Variants in PRKAR2B observed in about 807,000 individuals in gnomAD.
PRKAR2B encodes protein kinase cAMP-dependent type II regulatory subunit beta.
Under a neutral mutation model 49.9 loss-of-function variants are expected in PRKAR2B, and 14 were observed. That is an observed-to-expected ratio of 0.28 (90% CI 0.19 to 0.44). PRKAR2B has a LOEUF of 0.44. PRKAR2B is among the 20% of genes least tolerant of loss of function. The pLI is 1.00. For missense variants in PRKAR2B, 393 were observed against 537.9 expected (o/e 0.73, Z 2.67); for synonymous variants, 196 against 197.7 (o/e 0.99, Z 0.07).
rs1793664976 is a variant in PRKAR2B, at chr7:107,045,155, C to G, written c.248C>G (p.Ser83Cys). The G allele has an allele frequency of 1.3e-6, 2 of 1,497,682 alleles. No homozygotes were observed. The highest frequency in any genetic ancestry group is 1.8e-6 in the Non-Finnish European group (2 of 1,124,132). 92.8% of individuals were successfully genotyped at this position (1,497,682 alleles called of 1,614,324 possible). ...AACTTCGCCGAGGAGCCCATGCAGT[C>G]CGACTCCGAGGACGGGGAGGAGGAG... ...GVNFAEEPMQ[S>C]DSEDGEEEEA... Residue 83 changes from serine (S) to cysteine (C), a missense_variant, in exon 1 of 11, where the codon TCC (serine) becomes TGC (cysteine). Ser to Cys is a moderately radical substitution (Grantham distance 112). Transcript: ENST00000265717.
At chr7:107,149,195 G>A (rs1055666914) in intron 6 of PRKAR2B, among the ~76,000 whole-genome samples, 2 of 152,106 alleles carry the variant, frequency 1.3e-5, no homozygotes, top group Non-Finnish European at 2.9e-5. Context: ...GCAGAGCCAG[G>A]CTTGGAAATA....
chr7:107,061,001 C>G (rs1486284796), intron 1 of PRKAR2B, among the ~76,000 whole-genome samples: 1 of 151,854 alleles, frequency 6.6e-6, no homozygotes, highest in African/African-American at 2.4e-5. Context: ...ATTTTTTCCC[C>G]CACTGATTTT....
chr7:107,099,816 A>G lies in PRKAR2B; in HGVS notation c.344-22136A>G, dbSNP rs553230435. On this transcript the variant is annotated intron_variant, in intron 2 of 10. Transcript: ENST00000265717. ...TGCCTGGCTAATTTTTTGTATTTTTAGTAGAGACGGGGTTTCACCATGTTA... is the reference window on the plus strand; with the variant it reads ...TGCCTGGCTAATTTTTTGTATTTTTGGTAGAGACGGGGTTTCACCATGTTA... 3.0e-3 allele frequency among the ~76,000 whole-genome samples: 458 copies of G among 151,886 alleles called. 2 individuals carry two copies. Among genetic ancestry groups the G allele is most frequent in the African/African-American group, 0.01 (432 of 41,438 alleles).
intron 1 of PRKAR2B, among the ~76,000 whole-genome samples, chr7:107,064,947 A>G (rs1028248351): frequency 3.9e-5 from 6 of 152,214 alleles, no homozygotes; most frequent in Non-Finnish European, 7.3e-5. Context: ...GACCTTTTAA[A>G]AAAGTTAATT....
intron 1 of PRKAR2B, among the ~76,000 whole-genome samples, chr7:107,060,318 A>G (rs1378701547): frequency 6.6e-6 from 1 of 152,164 alleles, no homozygotes; most frequent in Non-Finnish European, 1.5e-5. Context: ...TATCTGCTTT[A>G]TAAAGGTGTT....
chr7:107,050,362 T>TG (rs1554360690), intron 1 of PRKAR2B, among the ~76,000 whole-genome samples: 5 of 135,672 alleles, frequency 3.7e-5, no homozygotes, highest in South Asian at 2.6e-4. Flanking sequence ...TTTTTTTTTT[T>TG]GTGGATGCAC....
At chr7:107,073,836 G>A (rs1285623553) in intron 2 of PRKAR2B, among the ~76,000 whole-genome samples, 1 of 151,978 alleles carries the variant, frequency 6.6e-6, no homozygotes, top group South Asian at 2.1e-4. Flanking sequence ...CGTGGTGGGC[G>A]GATCACTAGA....
chr7:107,070,766 G>T (rs975152147), intron 2 of PRKAR2B, among the ~76,000 whole-genome samples: 1 of 152,048 alleles, frequency 6.6e-6, no homozygotes, highest in African/African-American at 2.4e-5. Flanking sequence ...TTCATAAGAG[G>T]GTTTTTAATA....
At chr7:107,097,836 C>G (rs997086012) in intron 2 of PRKAR2B, among the ~76,000 whole-genome samples, 5 of 152,148 alleles carry the variant, frequency 3.3e-5, no homozygotes, top group Admixed American at 1.3e-4. Flanking sequence ...TGAATATTGG[C>G]CCCCATTCTC....
intron 4 of PRKAR2B, chr7:107,129,163 C>G (rs1795552550): frequency 6.6e-6 from 1 of 152,152 alleles, no homozygotes; most frequent in Non-Finnish European, 1.5e-5. Flanking sequence ...TATAAAGATT[C>G]ATGTACTGCA....
chr7:107,117,248 G>A (rs777737191), intron 2 of PRKAR2B, among the ~76,000 whole-genome samples: 1 of 151,650 alleles, frequency 6.6e-6, no homozygotes, highest in Non-Finnish European at 1.5e-5. Context: ...TTCCTTTGTA[G>A]GAGGGCGTTT....
At chr7:107,148,959 A>G (rs1256181678) in intron 6 of PRKAR2B, among the ~76,000 whole-genome samples, 2 of 152,254 alleles carry the variant, frequency 1.3e-5, no homozygotes, top group African/African-American at 2.4e-5. Flanking sequence ...TCTGAGAGAT[A>G]TAACTGATTA....
Position 107,126,420 on chromosome 7 carries a change from C to CAAAAAAAAAAA in PRKAR2B, c.397-1779_397-1769dup, listed in dbSNP as rs35682952. Among the ~76,000 whole-genome samples the CAAAAAAAAAAA allele has an allele frequency of 1.2e-3, 46 of 38,400 alleles. 2 individuals carry two copies. Among genetic ancestry groups the CAAAAAAAAAAA allele is most frequent in the African/African-American group, 4.2e-3 (40 of 9,542 alleles). The allele number at this position is 38,400 out of a possible 152,430, so 25.2% of individuals were successfully genotyped here. On this transcript the variant is annotated intron_variant, in intron 3 of 10. Coordinates refer to ENST00000265717, the MANE Select transcript of PRKAR2B (RefSeq NM_002736.3). ...TGGGCAACAGAGTGAGAATCTGTCTCAAAAAAAAAAAAAAAAAAAAAAAGT... is the reference window on the plus strand; with the variant it reads ...TGGGCAACAGAGTGAGAATCTGTCTCAAAAAAAAAAAAAAAAAAAAAAAAAAAAAAAAAAGT...
At position 107,044,891 on chromosome 7, in the gene PRKAR2B, G is replaced by A. The variant is rs1449403074; in HGVS notation, c.-17G>A. Reference sequence around the variant, plus strand: ...GGGCGAGGGCGGCGCCCAGGCGCCTGCCGCCCCGGAGGCAGGATGAGCATC... The same window carrying A: ...GGGCGAGGGCGGCGCCCAGGCGCCTACCGCCCCGGAGGCAGGATGAGCATC... On this transcript the variant is annotated 5_prime_UTR_variant, in exon 1 of 11. Transcript: ENST00000265717. The A allele has an allele frequency of 5.1e-6, 8 of 1,578,692 alleles. No individual in the cohort carries two copies. Among genetic ancestry groups the A allele is most frequent in the East Asian group, 2.3e-5 (1 of 42,870 alleles).
In PRKAR2B at chr7:107,128,307, C is replaced by G. The variant is rs1417120463; in HGVS notation, c.480+12C>G. 1.9e-6 allele frequency: 3 copies of G among 1,585,136 alleles called. No homozygotes were observed. The highest frequency in any genetic ancestry group is 1.3e-5 in the African/African-American group (1 of 74,254). ...AGAATCTGGATCCGGTAAGATAAAT[C>G]TTAATAATAGAAATGGCTTTGTTTT... On this transcript the variant is annotated intron_variant, in intron 4 of 10. Coordinates refer to ENST00000265717, the MANE Select transcript of PRKAR2B (RefSeq NM_002736.3).
intron 8 of PRKAR2B, among the ~76,000 whole-genome samples, chr7:107,153,763 C>G (rs1584456609): frequency 6.6e-6 from 1 of 152,236 alleles, no homozygotes; most frequent in East Asian, 1.9e-4. Flanking sequence ...TATTAGATAC[C>G]TGGGTTGGAG....
intron 5 of PRKAR2B, among the ~76,000 whole-genome samples, chr7:107,142,709 G>A (rs543008895): frequency 1.2e-4 from 18 of 152,064 alleles, no homozygotes; most frequent in Middle Eastern, 3.4e-3. Flanking sequence ...CTTGCCTGCC[G>A]GAGGCCTTGT....
chr7:107,114,251 CCTTT>C (rs1795225727), intron 2 of PRKAR2B, among the ~76,000 whole-genome samples: 1 of 149,818 alleles, frequency 6.7e-6, no homozygotes, highest in Non-Finnish European at 1.5e-5. Flanking sequence ...TATTGTTTTT[CCTTT>C]GGAGGCATTT....
intron 4 of PRKAR2B, among the ~76,000 whole-genome samples, chr7:107,140,100 C>G (rs1795764363): frequency 6.6e-6 from 1 of 152,096 alleles, no homozygotes; most frequent in Non-Finnish European, 1.5e-5. Context: ...TGTATTTGTT[C>G]TGATTAAAGA....
Sources: allele counts gnomAD v4.1 joint callset (sites outside exome capture counted in the v4.1 genomes callset), GRCh38; gene constraint gnomAD v4.1.1; transcripts MANE v1.5; gene names NCBI Gene and HGNC (gene_info 2026-07-23, HGNC 2026-07-21).